Variants in TMPRSS9 observed in about 807,000 individuals in gnomAD.
The protein encoded by TMPRSS9 is transmembrane protease serine 9.
In TMPRSS9, 113 loss-of-function variants were observed where a neutral mutation model predicts 111.4. The ratio of observed to expected loss-of-function variants is 1.01; its 90% CI spans 0.87 to 1.19. The LOEUF (loss-of-function observed/expected upper bound fraction) is 1.19. Ranked by LOEUF, TMPRSS9 falls within the 50% of genes most tolerant of loss-of-function variation. TMPRSS9 has a pLI of 0.00. For synonymous variants in TMPRSS9, 805 were observed against 659.1 expected, an observed-to-expected ratio of 1.22 and a Z score of -3.39; for missense variants, 1,803 against 1,513.1, an observed-to-expected ratio of 1.19 and a Z score of -3.18.
At chr19:2,377,196 T>C (rs1200193168) in intron 1 of TMPRSS9, among the ~76,000 whole-genome samples, 3 of 150,824 alleles carry the variant, frequency 2.0e-5, no homozygotes, top group African/African-American at 7.3e-5. Flanking sequence ...ACGGCTCACA[T>C]TTCAGTCCTG....
rs541522532 is a variant in TMPRSS9 at position 2,408,592 on chromosome 19, G to A, written c.1079G>A (p.Cys360Tyr). ...CACATCTTCCCACCCAGCAAGAAGT[G>A]CCTGATCTCAGGCTGGGGCTACCTC... Residue 360 changes from cysteine (C) to tyrosine (Y), a missense_variant, in exon 8 of 18, where the codon TGC (cysteine) becomes TAC (tyrosine). Transcript: ENST00000648592. The A allele has an allele frequency of 1.1e-5, 18 of 1,613,332 alleles. No individual in the cohort carries two copies. The East Asian group carries it at 4.0e-4, about 36-fold the overall frequency.
intron 5 of TMPRSS9, 112 bp from the exon 7 acceptor site, chr19:2,402,970 A>C (rs1299200899): frequency 1.3e-6 from 1 of 763,780 alleles, no homozygotes; most frequent in Non-Finnish European, 2.2e-6. Flanking sequence ...AGAAAAGGAG[A>C]GAGAGAGTTT....
chr19:2,410,498 C>G, intron 9 of TMPRSS9, 104 bp downstream of exon 10: 1 of 1,459,878 alleles, frequency 6.8e-7, no homozygotes. Context: ...TGTGAGCCCC[C>G]AACGCCCCAG....
At chr19:2,403,379 A>G (rs1426175528) in intron 6 of TMPRSS9, among the ~76,000 whole-genome samples, 184 bp downstream of exon 7, 2 of 152,138 alleles carry the variant, frequency 1.3e-5, no homozygotes, top group Non-Finnish European at 2.9e-5. Flanking sequence ...ACAGCAGAGT[A>G]AAGGAAAAGT....
At chr19:2,416,374 C>T (rs2145380408) in intron 11 of TMPRSS9, 164 bp from the exon 13 acceptor site, 2 of 880,518 alleles carry the variant, frequency 2.3e-6, no homozygotes, top group Non-Finnish European at 3.3e-6. Context: ...GCCCAGCAGC[C>T]CCTCTTTCCC....
rs541284884 is a variant in TMPRSS9, at chr19:2,404,014, A to G, written c.670+819A>G. 2.6e-5 allele frequency among the ~76,000 whole-genome samples: 4 copies of G among 151,326 alleles called. 1 individual carries two copies. In the South Asian group the frequency reaches 8.3e-4, roughly 32 times the overall value. On this transcript the variant is annotated intron_variant, in intron 6 of 17. Transcript: ENST00000648592. ...CTCAAAAAAAAAAAAAAAAAAGAAA[A>G]AAAAATTAGCCAGCGTGGTGGTGGG... is the stretch of plus-strand genomic sequence containing the variant.
chr19:2,400,144 A>G (rs1970799015), intron 4 of TMPRSS9, among the ~76,000 whole-genome samples: 1 of 152,240 alleles, frequency 6.6e-6, no homozygotes, highest in East Asian at 1.9e-4. Context: ...CTGTTTACCA[A>G]TAAAACTTAT....
chr19:2,391,708 C>A (rs1970601207), intron 1 of TMPRSS9, among the ~76,000 whole-genome samples: 1 of 151,158 alleles, frequency 6.6e-6, no homozygotes, highest in South Asian at 2.1e-4. Context: ...AAATATAATT[C>A]CCATCAGGAC....
At chr19:2,407,528 A>G (rs1037256345) in intron 7 of TMPRSS9, among the ~76,000 whole-genome samples, 1 of 151,574 alleles carries the variant, frequency 6.6e-6, no homozygotes, top group African/African-American at 2.4e-5. Flanking sequence ...CTCTGTCTCA[A>G]AAAAACAAAA....
chr19:2,371,555 G>T (rs1970290536), intron 1 of TMPRSS9, among the ~76,000 whole-genome samples: 1 of 151,932 alleles, frequency 6.6e-6, no homozygotes, highest in Admixed American at 6.6e-5. Flanking sequence ...AATTTAGCTG[G>T]ATGTGGTGAC....
At chr19:2,397,064 G>A (rs930324014) in intron 2 of TMPRSS9, among the ~76,000 whole-genome samples, 10 of 151,902 alleles carry the variant, frequency 6.6e-5, no homozygotes, top group Non-Finnish European at 1.5e-5. Context: ...GGGATTACAG[G>A]TGCACGCCAC....
At chr19:2,410,506 C>G in intron 9 of TMPRSS9, 112 bp downstream of exon 10, 12 of 1,410,174 alleles carry the variant, frequency 8.5e-6, no homozygotes, top group Non-Finnish European at 9.5e-6. Context: ...CCCAACGCCC[C>G]AGACCCCAGA....
intron 1 of TMPRSS9, among the ~76,000 whole-genome samples, chr19:2,393,512 T>C (rs979887632): frequency 6.6e-6 from 1 of 152,112 alleles, no homozygotes. Context: ...AGCGTGAGGA[T>C]CCGCAGCTTC....
chr19:2,422,291 T>C (rs756795893), intron 14 of TMPRSS9, 44 bp downstream of exon 15: 6 of 1,487,222 alleles, frequency 4.0e-6, no homozygotes, highest in South Asian at 2.7e-5. Context: ...GAGGGTCCCA[T>C]GTTAATCAGC....
chr19:2,421,152 G>A (rs1366872996), intron 13 of TMPRSS9, among the ~76,000 whole-genome samples: 2 of 151,910 alleles, frequency 1.3e-5, no homozygotes, highest in African/African-American at 2.4e-5. Context: ...GTTGCAGTGA[G>A]CCGAGATCAT....
At chr19:2,386,091 C>T (rs950681924), upstream of TMPRSS9, among the ~76,000 whole-genome samples, 8 of 151,988 alleles carry the variant, frequency 5.3e-5, no homozygotes, top group African/African-American at 1.7e-4. Flanking sequence ...ATCACAGATA[C>T]GTGCCCCACC....
At chr19:2,404,146 G>A (rs1970918032) in intron 6 of TMPRSS9, among the ~76,000 whole-genome samples, 1 of 152,128 alleles carries the variant, frequency 6.6e-6, no homozygotes, top group South Asian at 2.1e-4. Context: ...GTCCAGCCTG[G>A]ATAATAGAGT....
intron 7 of TMPRSS9, among the ~76,000 whole-genome samples, chr19:2,407,945 G>A (rs1257627299): frequency 1.3e-5 from 2 of 151,784 alleles, no homozygotes; most frequent in African/African-American, 2.4e-5. Flanking sequence ...CACTATGCCC[G>A]GCTAATTTTT....
At chr19:2,366,410 A>G (rs1022805096) in intron 1 of TMPRSS9, among the ~76,000 whole-genome samples, 2 of 152,170 alleles carry the variant, frequency 1.3e-5, no homozygotes, top group Non-Finnish European at 1.5e-5. Context: ...CGTCCTGTGT[A>G]TTAGTTTTTG....
Sources: allele counts gnomAD v4.1 joint callset (sites outside exome capture counted in the v4.1 genomes callset), GRCh38; gene constraint gnomAD v4.1.1; transcripts MANE v1.5; gene names NCBI Gene and HGNC (gene_info 2026-07-23, HGNC 2026-07-21).